The following CHODL variants were observed in gnomAD, a reference collection of about 807,000 sequenced individuals.
The protein encoded by CHODL is transmembrane protein MT75.
A neutral mutation model predicts 34.5 loss-of-function variants in CHODL; 29 were observed. The ratio of observed to expected loss-of-function variants is 0.84; its 90% confidence interval spans 0.63 to 1.15. The LOEUF is 1.15. Ranked by LOEUF, CHODL falls within the 50% of genes most tolerant of loss-of-function variation. CHODL has a pLI of 0.00. For missense variants in CHODL, 332 were observed against 332.5 expected, an observed-to-expected ratio of 1.00 and a Z score of 0.01; for synonymous variants, 125 against 116.1, an observed-to-expected ratio of 1.08 and a Z score of -0.49.
At chr21:18,247,671 G>A (rs932715131) in intron 1 of CHODL, among the ~76,000 whole-genome samples, 3 of 152,008 alleles carry the variant, frequency 2.0e-5, no homozygotes, top group African/African-American at 4.8e-5. Flanking sequence ...TTTGATGTAC[G>A]AATATGCAAA....
chr21:17,972,145 A>C (rs2063620221), intron 1 of CHODL, among the ~76,000 whole-genome samples: 1 of 152,226 alleles, frequency 6.6e-6, no homozygotes, highest in Non-Finnish European at 1.5e-5. Context: ...GATGGAATGT[A>C]TCTCAAAATA....
intron 2 of CHODL, among the ~76,000 whole-genome samples, chr21:18,067,509 A>G (rs2064746213): frequency 6.6e-6 from 1 of 152,196 alleles, no homozygotes; most frequent in Non-Finnish European, 1.5e-5. Context: ...TTGGAGAGAG[A>G]CATGGAACAG....
chr21:18,092,197 A>G (rs995500214), intron 2 of CHODL, among the ~76,000 whole-genome samples: 13 of 139,312 alleles, frequency 9.3e-5, no homozygotes, highest in Admixed American at 6.1e-4. Context: ...AAGTAAGGGG[A>G]AAAAAAAATC....
chr21:18,231,305 A>T (rs1022943195), intron 2 of CHODL, among the ~76,000 whole-genome samples: 3 of 152,152 alleles, frequency 2.0e-5, no homozygotes, highest in African/African-American at 7.2e-5. Context: ...CTGCTCAGAG[A>T]GTGTCCTGCA....
chr21:18,036,086 T>C (rs1166782318), intron 2 of CHODL, among the ~76,000 whole-genome samples: 1 of 152,060 alleles, frequency 6.6e-6, no homozygotes, highest in Admixed American at 6.6e-5. Context: ...ACTTGGAAAC[T>C]GTTTTATCTA....
At chr21:18,001,280 G>A (rs1398676349) in intron 1 of CHODL, among the ~76,000 whole-genome samples, 1 of 152,212 alleles carries the variant, frequency 6.6e-6, no homozygotes, top group African/African-American at 2.4e-5. Flanking sequence ...AGTTAATGAG[G>A]GCGGAGTGTA....
intron 2 of CHODL, among the ~76,000 whole-genome samples, chr21:18,220,753 AT>A (rs1346543973): frequency 6.6e-6 from 1 of 151,360 alleles, no homozygotes; most frequent in Non-Finnish European, 1.5e-5. Context: ...CTGCTGAGAT[AT>A]CTGTGATTAG....
intron 1 of CHODL, among the ~76,000 whole-genome samples, chr21:18,003,881 G>A (rs1040936608): frequency 6.6e-6 from 1 of 152,158 alleles, no homozygotes; most frequent in African/African-American, 2.4e-5. Flanking sequence ...TTATATTAAA[G>A]CAGAATCACA....
intron 1 of CHODL, among the ~76,000 whole-genome samples, chr21:17,929,726 C>T (rs564585868): frequency 1.3e-5 from 2 of 152,360 alleles, no homozygotes; most frequent in East Asian, 1.9e-4. Flanking sequence ...CCGGAGATTG[C>T]GCAGAGGCAC....
chr21:18,250,768 A>G (rs1013103829), intron 1 of CHODL, among the ~76,000 whole-genome samples: 7 of 151,976 alleles, frequency 4.6e-5, no homozygotes, highest in African/African-American at 1.7e-4. Context: ...ATGAAAAAGA[A>G]AAAAATATCT....
At chr21:18,129,523 G>A (rs879925075) in intron 2 of CHODL, among the ~76,000 whole-genome samples, 1 of 152,156 alleles carries the variant, frequency 6.6e-6, no homozygotes, top group Non-Finnish European at 1.5e-5. Flanking sequence ...CTATCAATTT[G>A]AATAATAGAC....
At chr21:18,217,090 T>C (rs1298538635) in intron 2 of CHODL, among the ~76,000 whole-genome samples, 2 of 152,210 alleles carry the variant, frequency 1.3e-5, no homozygotes, top group Non-Finnish European at 2.9e-5. Context: ...TTGGCTTTTG[T>C]TAACAGTGCT....
rs369769464 is a variant in CHODL at position 17,951,028 on chromosome 21, A to G, written c.-145+33628A>G. 1.1e-4 allele frequency among the ~76,000 whole-genome samples: 16 copies of G among 152,236 alleles called. No individual in the cohort carries two copies. In the South Asian group the frequency reaches 3.1e-3, roughly 30 times the overall value. On this transcript the variant is annotated intron_variant, in intron 1 of 6. Transcript: ENST00000400127. The stretch of plus-strand genomic sequence containing the variant: ...AATTTTGATGAACTAAAACATACTT[A>G]CGTATAACTATATACATATACATTA...
In CHODL at chr21:18,054,375, A is replaced by G. The variant is rs986769460; in HGVS notation, c.-45+26404A>G. On this transcript the variant is annotated intron_variant, in intron 2 of 6. Transcript: ENST00000400127. ...ACTGTCATACCAACTTGGCCTTAGT[A>G]CATTATCCATGTTTAAAGCTGGATG... 2.0e-5 allele frequency among the ~76,000 whole-genome samples: 3 copies of G among 151,994 alleles called. No individual in the cohort carries two copies. The East Asian group carries it at 5.8e-4, about 29-fold the overall frequency.
intron 1 of CHODL, among the ~76,000 whole-genome samples, chr21:17,955,825 A>AT (rs1315029944): frequency 7.3e-6 from 1 of 136,618 alleles, no homozygotes; most frequent in Admixed American, 7.2e-5. Context: ...TCACTTACTA[A>AT]TTCTGTGGTT....
At chr21:18,191,835 G>A (rs2073514205) in intron 2 of CHODL, among the ~76,000 whole-genome samples, 1 of 152,108 alleles carries the variant, frequency 6.6e-6, no homozygotes, top group South Asian at 2.1e-4. Context: ...TTTTTCAAAA[G>A]GTATGAAGTT....
At chr21:18,084,630 T>C (rs73310430) in intron 2 of CHODL, among the ~76,000 whole-genome samples, 2,072 of 152,280 alleles carry the variant, frequency 0.014, 48 homozygotes, top group African/African-American at 0.046. Flanking sequence ...TCTGAGAAGA[T>C]ATTTGATACA....
chr21:17,999,179 T>A (rs1362885657), intron 1 of CHODL, among the ~76,000 whole-genome samples: 2 of 152,226 alleles, frequency 1.3e-5, no homozygotes, highest in Non-Finnish European at 1.5e-5. Context: ...CCAGTCTCTT[T>A]GCTAAAACAT....
At chr21:18,241,812 T>A (rs1568951203), upstream of CHODL, among the ~76,000 whole-genome samples, 2 of 152,180 alleles carry the variant, frequency 1.3e-5, no homozygotes, top group Admixed American at 6.5e-5. Context: ...TTCCAAATAG[T>A]GTTTCTCTAT....
Sources: allele counts gnomAD v4.1 joint callset (sites outside exome capture counted in the v4.1 genomes callset), GRCh38; gene constraint gnomAD v4.1.1; transcripts MANE v1.5; gene names NCBI Gene and HGNC (gene_info 2026-07-23, HGNC 2026-07-21).